CNGA3: variants seen among roughly 807,000 people sequenced by gnomAD.
The protein encoded by CNGA3 is cyclic nucleotide gated channel subunit alpha 3.
Under a neutral mutation model 46.6 loss-of-function variants are expected in CNGA3, and 42 were observed. That is an observed-to-expected ratio of 0.90 (90% CI 0.70 to 1.17). CNGA3 has a LOEUF of 1.17. Among genes scored for constraint, CNGA3 ranks in the 50% most tolerant of loss-of-function variants. CNGA3 has a pLI of 0.00. For missense variants in CNGA3, 893 were observed against 890.7 expected (o/e 1.00, Z -0.03); for synonymous variants, 394 against 369.4 (o/e 1.07, Z -0.76).
intron 1 of CNGA3, 77 bp downstream of exon 1, chr2:98,346,611 A>G (rs1422475947): frequency 1.8e-5 from 7 of 395,796 alleles, no homozygotes; most frequent in Admixed American, 8.8e-5. Flanking sequence ...CAGACCCCAT[A>G]CAGGAGGTAA....
At chr2:98,360,454 A>G (rs1442397422) in intron 1 of CNGA3, among the ~76,000 whole-genome samples, 2 of 152,178 alleles carry the variant, frequency 1.3e-5, no homozygotes, top group African/African-American at 4.8e-5. Context: ...GAGTAATTCG[A>G]TAGTTTTTCC....
At chr2:98,351,717 A>T (rs1691774168) in intron 1 of CNGA3, among the ~76,000 whole-genome samples, 1 of 152,112 alleles carries the variant, frequency 6.6e-6, no homozygotes. Context: ...AGCCCTCAAA[A>T]ATGTGATGGT....
In CNGA3 at chr2:98,395,172, C is replaced by CT. The variant is rs1040060344; in HGVS notation, c.674-661dup. Reference sequence around the variant, plus strand: ...AATCAATTGAGATCTGCCTCCGTCACTTTTTTTTTTTCAAAGACTCAGAGT... The same window carrying CT: ...AATCAATTGAGATCTGCCTCCGTCACTTTTTTTTTTTTCAAAGACTCAGAGT... On this transcript the variant is annotated intron_variant, in intron 7 of 7. Coordinates refer to ENST00000272602, the MANE Select transcript of CNGA3 (RefSeq NM_001298.3). Among the ~76,000 whole-genome samples, 576 of 148,078 alleles carry CT rather than the reference C, an allele frequency of 3.9e-3. 3 individuals are homozygous for CT. Among genetic ancestry groups the CT allele is most frequent in the African/African-American group, 0.013 (527 of 40,526 alleles).
intron 1 of CNGA3, chr2:98,347,131 G>C (rs1264640466): frequency 6.6e-6 from 1 of 152,406 alleles, no homozygotes; most frequent in Admixed American, 6.5e-5. Context: ...GCGAAGGACT[G>C]CCCCCCAACC....
intron 2 of CNGA3, 123 bp downstream of exon 2, chr2:98,370,199 G>T: frequency 1.3e-6 from 1 of 775,476 alleles, no homozygotes. Flanking sequence ...GGCAGGGGAG[G>T]TATTCACAGC....
chr2:98,381,880 G>A (rs1692546437), intron 4 of CNGA3, among the ~76,000 whole-genome samples: 1 of 152,182 alleles, frequency 6.6e-6, no homozygotes, highest in Non-Finnish European at 1.5e-5. Flanking sequence ...GGACAAAGTG[G>A]GGAAAGAGGA....
Position 98,389,787 on chromosome 2 carries a change from G to A in CNGA3, c.566+13G>A. On this transcript the variant is annotated intron_variant, in intron 6 of 7. Transcript: ENST00000272602. The stretch of plus-strand genomic sequence containing the variant: ...TGCTTATTTGCAGGTAAGCGACAGG[G>A]GTGGAAGGTGCAGCGGAAAGGGGGA... 2 of 1,605,130 alleles carry A rather than the reference G, an allele frequency of 1.2e-6. No homozygotes were observed. The highest frequency in any genetic ancestry group is 2.2e-5 in the South Asian group (2 of 90,868).
rs1692434506 is a variant in CNGA3 at position 98,377,570 on chromosome 2, A to T, written c.102-117A>T. 7.5e-6 allele frequency: 7 copies of T among 937,852 alleles called. No homozygotes were observed. The South Asian group carries it at 9.9e-5, about 13-fold the overall frequency. 58.1% of individuals were successfully genotyped at this position (937,852 alleles called of 1,614,324 possible). Reference sequence around the variant, plus strand: ...GAAGTGGGGAGCCCCTGGGATGAGGATCTGTGAGGGTGGCTTTCCCTGCTA... The same window carrying T: ...GAAGTGGGGAGCCCCTGGGATGAGGTTCTGTGAGGGTGGCTTTCCCTGCTA... On this transcript the variant is annotated intron_variant, in intron 2 of 7. Transcript: ENST00000272602.
chr2:98,381,765 GCCC>G (rs989991888), intron 4 of CNGA3, among the ~76,000 whole-genome samples: 2 of 152,112 alleles, frequency 1.3e-5, no homozygotes, highest in Non-Finnish European at 2.9e-5. Flanking sequence ...CTGGGCGCTG[GCCC>G]AGACAAGTGC....
chr2:98,389,588 G>A, intron 5 of CNGA3, 70 bp from the exon 6 acceptor site: 12 of 1,393,682 alleles, frequency 8.6e-6, no homozygotes, highest in South Asian at 4.6e-5. Context: ...ATTGCCCTAG[G>A]CTCTCTAAAA....
intron 1 of CNGA3, among the ~76,000 whole-genome samples, chr2:98,355,458 C>G (rs1350327210): frequency 6.6e-6 from 1 of 152,154 alleles, no homozygotes; most frequent in Non-Finnish European, 1.5e-5. Context: ...CATCATGGAA[C>G]TTCTAGAATT....
intron 5 of CNGA3, among the ~76,000 whole-genome samples, chr2:98,385,085 G>C (rs1692622323): frequency 6.6e-6 from 1 of 152,188 alleles, no homozygotes; most frequent in Non-Finnish European, 1.5e-5. Context: ...GGCAGTGCTG[G>C]GTGGATTTGG....
intron 1 of CNGA3, among the ~76,000 whole-genome samples, chr2:98,356,215 G>A (rs1197927684): frequency 1.3e-5 from 2 of 152,170 alleles, no homozygotes; most frequent in Admixed American, 1.3e-4. Flanking sequence ...TATCTTTGGA[G>A]TTTAATTTGA....
intron 1 of CNGA3, among the ~76,000 whole-genome samples, chr2:98,366,706 C>T (rs1692160412): frequency 6.6e-6 from 1 of 152,232 alleles, no homozygotes; most frequent in Non-Finnish European, 1.5e-5. Flanking sequence ...GGGAATTCCT[C>T]CTGGGCCCAA....
chr2:98,377,647 C>T (rs1692436552), intron 2 of CNGA3, 40 bp from the exon 3 acceptor site: 1 of 1,568,030 alleles, frequency 6.4e-7, no homozygotes, highest in South Asian at 1.2e-5. Context: ...GGTAGATGGG[C>T]TTGAAATCAA....
intron 6 of CNGA3, among the ~76,000 whole-genome samples, chr2:98,390,226 C>T (rs984557444): frequency 6.6e-6 from 1 of 151,930 alleles, no homozygotes; most frequent in Admixed American, 6.6e-5. Flanking sequence ...ACCTCCACCT[C>T]CCGGGTTAAA....
intron 1 of CNGA3, among the ~76,000 whole-genome samples, chr2:98,366,437 G>A (rs1044535458): frequency 2.0e-5 from 3 of 152,362 alleles, no homozygotes; most frequent in East Asian, 1.9e-4. Flanking sequence ...GAGGGCATGC[G>A]CTGCACTTGC....
At chr2:98,394,239 T>C (rs1221346008) in intron 7 of CNGA3, among the ~76,000 whole-genome samples, 2 of 152,162 alleles carry the variant, frequency 1.3e-5, no homozygotes, top group African/African-American at 4.8e-5. Context: ...GGTCATGGCC[T>C]CCTTAATTGA....
intron 1 of CNGA3, among the ~76,000 whole-genome samples, chr2:98,362,003 G>A (rs903861338): frequency 4.6e-5 from 7 of 151,676 alleles, no homozygotes; most frequent in East Asian, 1.9e-4. Flanking sequence ...CACCGCGCCC[G>A]GCCTTCTTGG....
Sources: gnomAD v4.1 joint callset for allele counts (sites outside exome capture counted in the v4.1 genomes callset) on GRCh38, gnomAD v4.1.1 for gene constraint, MANE v1.5 for transcripts, NCBI Gene and HGNC (gene_info 2026-07-23, HGNC 2026-07-21) for gene names.